The following DARS2 variants were observed in gnomAD, a reference collection of about 807,000 sequenced individuals.
The protein encoded by DARS2 is aspartyl-tRNA synthetase 2, mitochondrial.
Under a neutral mutation model 83.0 loss-of-function variants are expected in DARS2, and 63 were observed. The ratio of observed to expected loss-of-function variants is 0.76; its 90% CI spans 0.62 to 0.94. DARS2 has a LOEUF of 0.94. DARS2 is among the 40% of genes least tolerant of loss of function. The pLI, the probability that DARS2 is intolerant of heterozygous loss-of-function variation, is 0.00. For missense variants in DARS2, 675 were observed against 774.4 expected (o/e 0.87, Z 1.52); for synonymous variants, 250 against 269.3 (o/e 0.93, Z 0.70).
intron 11 of DARS2, among the ~76,000 whole-genome samples, chr1:173,842,112 G>A (rs1190398746): frequency 1.3e-5 from 2 of 151,998 alleles, no homozygotes. Context: ...TAAAGCAACG[G>A]TACACGTCTC....
intron 4 of DARS2, among the ~76,000 whole-genome samples, chr1:173,831,089 A>G (rs1342935766): frequency 6.6e-6 from 1 of 151,756 alleles, no homozygotes; most frequent in East Asian, 1.9e-4. Flanking sequence ...GCTAATTTTT[A>G]TATTTTTAGC....
intron 15 of DARS2, 90 bp from the exon 16 acceptor site, chr1:173,856,576 C>G: frequency 8.4e-7 from 1 of 1,191,538 alleles, no homozygotes; most frequent in South Asian, 1.3e-5. Flanking sequence ...TAAAACTCAA[C>G]TTTGTTTCCC....
intron 3 of DARS2, among the ~76,000 whole-genome samples, chr1:173,830,448 TTAAC>T (rs540952271): frequency 6.6e-6 from 1 of 152,346 alleles, no homozygotes; most frequent in South Asian, 2.1e-4. Context: ...TTTAAAGCTC[TTAAC>T]TAATAGTTTT....
chr1:173,851,248 C>CA (rs1303482754), intron 13 of DARS2, among the ~76,000 whole-genome samples: 49,382 of 103,400 alleles, frequency 0.48, 11,104 homozygotes, highest in East Asian at 0.64. Flanking sequence ...GACTCCGTCT[C>CA]AAAAAAAAAA....
At chr1:173,831,688 AG>A (rs780638110) in intron 5 of DARS2, 58 bp downstream of exon 5, 20 of 1,316,700 alleles carry the variant, frequency 1.5e-5, no homozygotes, top group Non-Finnish European at 2.1e-5. Context: ...TGACTAGTCA[AG>A]TATTTTCAGA....
intron 1 of DARS2, among the ~76,000 whole-genome samples, chr1:173,825,651 G>A (rs1228362395): frequency 1.3e-5 from 2 of 150,780 alleles, no homozygotes; most frequent in Admixed American, 6.6e-5. Flanking sequence ...CTGTATTTTT[G>A]GTAGAGCCGG....
chr1:173,853,827 T>C lies in DARS2; in HGVS notation c.1596T>C (p.Asn532=). ...GCCAACACTATGACTTGGTTTTAAA[T>C]GGCAATGAAATAGGAGGTGGTTCAA... The part of the protein sequence containing the change: ...ARSQHYDLVL[N]GNEIGGGSIR... The change falls in exon 15 of 17, where the codon AAT becomes AAC. Residue 532 remains asparagine, a synonymous_variant. Transcript: ENST00000649689. The C allele has an allele frequency of 1.2e-6, 2 of 1,614,178 alleles. No individual in the cohort carries two copies. Among genetic ancestry groups the C allele is most frequent in the South Asian group, 1.1e-5 (1 of 91,084 alleles).
chr1:173,835,468 C>G (rs973555275), intron 7 of DARS2, among the ~76,000 whole-genome samples: 3 of 150,668 alleles, frequency 2.0e-5, no homozygotes, highest in Non-Finnish European at 4.4e-5. Flanking sequence ...CTTTGGGAGG[C>G]TGAAGCAAGG....
At chr1:173,852,629 C>T (rs962745537) in intron 13 of DARS2, among the ~76,000 whole-genome samples, 2 of 151,952 alleles carry the variant, frequency 1.3e-5, no homozygotes, top group African/African-American at 4.8e-5. Context: ...CTCAGCCTCC[C>T]GAGTAGCTAG....
intron 11 of DARS2, among the ~76,000 whole-genome samples, chr1:173,844,028 A>C (rs1653327393): frequency 6.6e-6 from 1 of 152,234 alleles, no homozygotes; most frequent in African/African-American, 2.4e-5. Context: ...GGTTTGAGGT[A>C]ACATTCCTGG....
intron 15 of DARS2, among the ~76,000 whole-genome samples, chr1:173,856,276 C>T (rs889341936): frequency 6.6e-6 from 1 of 152,204 alleles, no homozygotes; most frequent in Non-Finnish European, 1.5e-5. Flanking sequence ...GTTCTCCTTC[C>T]TCCCGGCAGC....
In DARS2 at chr1:173,857,845, C is replaced by A; in HGVS notation, c.*140C>A. The A allele has an allele frequency of 1.1e-6, 1 of 897,386 alleles. No homozygotes were observed. The highest frequency in any genetic ancestry group is 1.8e-6 in the Non-Finnish European group (1 of 567,518). 55.6% of individuals were successfully genotyped at this position (897,386 alleles called of 1,614,324 possible). The stretch of plus-strand genomic sequence containing the variant: ...AAGGAATCCAGGCAACATTCTTCAC[C>A]ACAACGAAGAAACAGATAAAAGATA... On this transcript the variant is annotated 3_prime_UTR_variant, in exon 17 of 17. Transcript: ENST00000649689.
chr1:173,833,449 T>A lies in DARS2; in HGVS notation c.566T>A (p.Leu189Gln), dbSNP rs781774955. Residue 189 changes from leucine to glutamine, a missense_variant, in exon 6 of 17, where the codon CTG (leucine) becomes CAG (glutamine). Physicochemically the swap from Leu to Gln is moderately radical, Grantham distance 113. Coordinates refer to ENST00000649689, the MANE Select transcript of DARS2 (RefSeq NM_018122.5). ...RSFQMQYNLR[L>Q]RSQMVMKMRE... ...TTCCAAATGCAGTATAACCTGCGAC[T>A]GAGGTCCCAGATGGTCATGAAAATG... 6.2e-7 allele frequency: 1 copy of A among 1,614,114 alleles called. No individual in the cohort carries two copies. Among genetic ancestry groups the A allele is most frequent in the Non-Finnish European group, 8.5e-7 (1 of 1,179,932 alleles).
At chr1:173,835,930 A>AC (rs1159979924) in intron 7 of DARS2, among the ~76,000 whole-genome samples, 3 of 151,872 alleles carry the variant, frequency 2.0e-5, no homozygotes, top group Non-Finnish European at 1.5e-5. Flanking sequence ...GGTGGCAGGC[A>AC]CCTGTAGTCC....
intron 10 of DARS2, 72 bp from the exon 11 acceptor site, chr1:173,840,794 C>A: frequency 8.3e-6 from 7 of 846,880 alleles, no homozygotes. Flanking sequence ...TCTTTAAAAT[C>A]TTGTTTGTAA....
chr1:173,830,425 T>C (rs1030142064), intron 3 of DARS2, among the ~76,000 whole-genome samples: 1 of 152,180 alleles, frequency 6.6e-6, no homozygotes, highest in East Asian at 1.9e-4. Context: ...TATTTTCCTT[T>C]AAGGAAAGTT....
In DARS2 at chr1:173,840,783, T is replaced by G. The variant is rs1653173971; in HGVS notation, c.1021-83T>G. On this transcript the variant is annotated intron_variant, in intron 10 of 16. Transcript: ENST00000649689. ...TGTTAAATTATCAAGATCTATTCTC[T>G]TCTTTAAAATCTTGTTTGTAAAATG... The G allele has an allele frequency of 7.6e-6, 6 of 793,150 alleles. No individual in the cohort carries two copies. In the South Asian group the frequency reaches 8.5e-5, roughly 11 times the overall value. 49.1% of individuals were successfully genotyped at this position (793,150 alleles called of 1,614,324 possible).
chr1:173,828,215 TA>T (rs1169283969), intron 2 of DARS2, 117 bp from the exon 3 acceptor site: 3 of 1,011,326 alleles, frequency 3.0e-6, no homozygotes, highest in South Asian at 3.0e-5. Context: ...ATAATTATCA[TA>T]AAAAAGAAAC....
At chr1:173,834,758 G>GTTTTTT (rs1652930156) in intron 7 of DARS2, among the ~76,000 whole-genome samples, 1 of 20,388 alleles carries the variant, frequency 4.9e-5, no homozygotes, top group South Asian at 2.2e-3. Context: ...TTTTTTTTTT[G>GTTTTTT]GTTTGTTTTG....
Sources: gnomAD v4.1 joint callset for allele counts (sites outside exome capture counted in the v4.1 genomes callset) on GRCh38, gnomAD v4.1.1 for gene constraint, MANE v1.5 for transcripts, NCBI Gene and HGNC (gene_info 2026-07-23, HGNC 2026-07-21) for gene names.